Variants in PNPLA7 observed in about 807,000 individuals in gnomAD.
PNPLA7 encodes patatin-like phospholipase domain-containing protein 7.
PNPLA7 carries 153 observed loss-of-function variants against 161.7 expected under a neutral mutation model. That is an observed-to-expected ratio of 0.95 (90% CI 0.83 to 1.08). PNPLA7 has a LOEUF of 1.08. Among genes scored for constraint, PNPLA7 ranks in the 50% least tolerant of loss-of-function variants. The pLI is 0.00. For missense variants in PNPLA7, 1,739 were observed against 1,856.6 expected, an observed-to-expected ratio of 0.94 and a Z score of 1.16; for synonymous variants, 809 against 782.1, an observed-to-expected ratio of 1.03 and a Z score of -0.57.
At position 137,522,856 on chromosome 9, in the gene PNPLA7, C is replaced by T. The variant is rs1250461621; in HGVS notation, c.749G>A (p.Gly250Asp). The change falls in exon 9 of 35, where the codon GGC (glycine) becomes GAC (aspartate). Residue 250 changes from glycine (G) to aspartate (D), a missense_variant and splice_region_variant. By Grantham distance (94) the Gly-to-Asp change is moderately conservative. Coordinates refer to ENST00000406427, the MANE Select transcript of PNPLA7 (RefSeq NM_001098537.3). The stretch of plus-strand genomic sequence containing the variant: ...GACCGTTTTGTAAGGTGCAGCATGG[C>T]CCTGTAACAACAGCTCCATCAGTCC... ...SLLSILDIIT[G>D]HAAPYKTVSV... 4 of 1,613,204 alleles carry T rather than the reference C, an allele frequency of 2.5e-6. No homozygotes were observed. In the South Asian group the frequency reaches 4.4e-5, roughly 18 times the overall value.
chr9:137,532,885 G>C (rs759645033), intron 8 of PNPLA7, among the ~76,000 whole-genome samples: 23 of 152,194 alleles, frequency 1.5e-4, no homozygotes, highest in Admixed American at 2.6e-4. Flanking sequence ...TCCAAGAACA[G>C]TGTCCACTCC....
At position 137,500,629 on chromosome 9, in the gene PNPLA7, G is replaced by A. The variant is rs1021747268; in HGVS notation, c.1757+62C>T. On this transcript the variant is annotated intron_variant, in intron 16 of 34. Transcript: ENST00000406427. This position sits in a 1 kb window ranked among gnomAD's most constrained non-coding sequence, Gnocchi z 5.5. ...CACCAGGAAGAGGCCGGCCACGCGGGGAGGGGTCTCAGGGCAGGGGGGGCT... is the reference window on the plus strand; with the variant it reads ...CACCAGGAAGAGGCCGGCCACGCGGAGAGGGGTCTCAGGGCAGGGGGGGCT... The A allele has an allele frequency of 7.9e-6, 12 of 1,515,166 alleles. No individual in the cohort carries two copies. Among genetic ancestry groups the A allele is most frequent in the African/African-American group, 1.4e-5 (1 of 72,866 alleles). The allele number at this position is 1,515,166 out of a possible 1,614,324, so 93.9% of individuals were successfully genotyped here.
At chr9:137,526,194 A>C (rs1232594889) in intron 8 of PNPLA7, among the ~76,000 whole-genome samples, 2 of 152,162 alleles carry the variant, frequency 1.3e-5, no homozygotes, top group African/African-American at 4.8e-5. Flanking sequence ...GCCGCCCACA[A>C]GGAGGATGGC....
chr9:137,478,216 C>T, intron 24 of PNPLA7, 64 bp from the exon 25 acceptor site: 5 of 1,168,576 alleles, frequency 4.3e-6, no homozygotes, highest in Non-Finnish European at 5.5e-6. Context: ...ACCTCGCATC[C>T]TGGCTTGACT....
intron 25 of PNPLA7, among the ~76,000 whole-genome samples, chr9:137,470,450 C>T (rs1831656577): frequency 6.6e-6 from 1 of 152,218 alleles, no homozygotes; most frequent in South Asian, 2.1e-4. Context: ...TGGCTGAGCG[C>T]AGCGGCTCAC....
intron 23 of PNPLA7, chr9:137,479,908 G>A: frequency 1.0e-6 from 1 of 985,104 alleles, no homozygotes; most frequent in South Asian, 4.7e-5. Flanking sequence ...ATTCACAAGA[G>A]GAAAACTAAG....
rs1002840293 is a variant in PNPLA7, at chr9:137,547,300, G to C, written c.193+9C>G. ...CCCCCCGGGCCAGAGTCGGAACCAAGATACTCACGAAATTGTCTAAGCCTT... is the reference window on the plus strand; with the variant it reads ...CCCCCCGGGCCAGAGTCGGAACCAACATACTCACGAAATTGTCTAAGCCTT... On this transcript the variant is annotated intron_variant, in intron 3 of 34. Transcript: ENST00000406427. This position sits in a 1 kb window ranked among gnomAD's most constrained non-coding sequence, Gnocchi z 4.6. The C allele has an allele frequency of 1.2e-6, 2 of 1,613,130 alleles. No homozygotes were observed. Among genetic ancestry groups the C allele is most frequent in the African/African-American group, 2.7e-5 (2 of 75,036 alleles).
chr9:137,489,673 G>A (rs1431008786), intron 20 of PNPLA7, among the ~76,000 whole-genome samples: 1 of 152,108 alleles, frequency 6.6e-6, no homozygotes, highest in Admixed American at 6.5e-5. Flanking sequence ...AAAGAAACAG[G>A]AGGCACACAG....
chr9:137,519,214 C>A (rs1834853934), intron 11 of PNPLA7, among the ~76,000 whole-genome samples: 1 of 152,248 alleles, frequency 6.6e-6, no homozygotes, highest in South Asian at 2.1e-4. Flanking sequence ...TATAAATAAC[C>A]AAGCGCGCAC....
At chr9:137,463,084 G>A (rs995288236) in intron 29 of PNPLA7, 21 of 604,572 alleles carry the variant, frequency 3.5e-5, no homozygotes, top group African/African-American at 2.0e-4. Context: ...CAGCAAGCTC[G>A]ACACCTGCAG....
At chr9:137,475,593 C>T (rs1408097828) in intron 25 of PNPLA7, among the ~76,000 whole-genome samples, 1 of 152,034 alleles carries the variant, frequency 6.6e-6, no homozygotes. Flanking sequence ...CCAGGCTGCT[C>T]TCAAACTCCT....
rs1302707522 is a variant in PNPLA7, at chr9:137,500,618, C to T, written c.1757+73G>A. 3.4e-5 allele frequency: 49 copies of T among 1,420,952 alleles called. No homozygotes were observed. The highest frequency in any genetic ancestry group is 3.8e-4 in the Middle Eastern group (2 of 5,230). The allele number at this position is 1,420,952 out of a possible 1,614,324, so 88.0% of individuals were successfully genotyped here. A position where few individuals can be genotyped will look rare whatever the true frequency, so the allele number is the denominator to read the frequency against. ...GAGGGTGAGAGCACCAGGAAGAGGC[C>T]GGCCACGCGGGGAGGGGTCTCAGGG... is the stretch of plus-strand genomic sequence containing the variant. On this transcript the variant is annotated intron_variant, in intron 16 of 34. Coordinates refer to ENST00000406427, the MANE Select transcript of PNPLA7 (RefSeq NM_001098537.3). The surrounding 1 kb of genome is among the most constrained non-coding windows in gnomAD (Gnocchi z 5.5).
chr9:137,550,323 GT>G lies in PNPLA7; in HGVS notation c.-127del. On this transcript the variant is annotated 5_prime_UTR_variant, in exon 1 of 35. Coordinates refer to ENST00000406427, the MANE Select transcript of PNPLA7 (RefSeq NM_001098537.3). The stretch of plus-strand genomic sequence containing the variant: ...CTGGGTTCCTTTCAAGTCAAATTAT[GT>G]TTCACTGAAAGGAAAATCCTGCTGA... 9.6e-7 allele frequency: 1 copy of G among 1,039,512 alleles called. No individual in the cohort carries two copies. Among genetic ancestry groups the G allele is most frequent in the Non-Finnish European group, 1.5e-6 (1 of 672,458 alleles). 64.4% of individuals were successfully genotyped at this position (1,039,512 alleles called of 1,614,324 possible). A position where few individuals can be genotyped will look rare whatever the true frequency, so the allele number is the denominator to read the frequency against.
At chr9:137,491,520 A>G in intron 20 of PNPLA7, 1 of 985,392 alleles carries the variant, frequency 1.0e-6, no homozygotes, top group Non-Finnish European at 1.2e-6. Flanking sequence ...TACGTGTTAG[A>G]CAGTGTCCCC....
chr9:137,528,935 C>T (rs1210426710), intron 8 of PNPLA7, among the ~76,000 whole-genome samples: 5 of 149,664 alleles, frequency 3.3e-5, no homozygotes, highest in African/African-American at 9.8e-5. Context: ...CTCCTGACCT[C>T]GTGATCCGCC....
chr9:137,513,101 A>C (rs1834324408), intron 12 of PNPLA7, among the ~76,000 whole-genome samples: 2 of 152,230 alleles, frequency 1.3e-5, no homozygotes, highest in African/African-American at 4.8e-5. Context: ...CACCATAAAG[A>C]GTAAGGAAAA....
At chr9:137,533,676 C>T (rs1327480120) in intron 8 of PNPLA7, among the ~76,000 whole-genome samples, 1 of 142,874 alleles carries the variant, frequency 7.0e-6, no homozygotes, top group African/African-American at 2.6e-5. Flanking sequence ...TCCCAGACTC[C>T]TGAGTGTCCA....
intron 21 of PNPLA7, among the ~76,000 whole-genome samples, chr9:137,482,465 G>T (rs989938753): frequency 1.3e-5 from 2 of 152,254 alleles, no homozygotes; most frequent in African/African-American, 4.8e-5. Context: ...GACTGAGTGG[G>T]AGAAGGCCGT....
At chr9:137,491,709 T>C (rs1832772131) in intron 20 of PNPLA7, 1 of 985,366 alleles carries the variant, frequency 1.0e-6, no homozygotes, top group South Asian at 4.7e-5. Context: ...TGCCTCTGTG[T>C]GGCCCTCTGT....
Sources: allele counts gnomAD v4.1 joint callset (sites outside exome capture counted in the v4.1 genomes callset), GRCh38; gene constraint gnomAD v4.1.1; non-coding constraint Gnocchi (gnomAD v3.1); transcripts MANE v1.5; gene names NCBI Gene and HGNC (gene_info 2026-07-23, HGNC 2026-07-21).